The following CTNND2 variants were observed in gnomAD, a reference collection of about 807,000 sequenced individuals.
The protein encoded by CTNND2 is catenin delta 2.
Under a neutral mutation model 144.4 loss-of-function variants are expected in CTNND2, and 22 were observed. The observed-to-expected ratio is 0.15, with a 90% CI of 0.11 to 0.22. The LOEUF (loss-of-function observed/expected upper bound fraction) is 0.22. Among genes scored for constraint, CTNND2 ranks in the 10% least tolerant of loss-of-function variants. CTNND2 has a pLI of 1.00. For synonymous variants in CTNND2, 751 were observed against 695.6 expected (o/e 1.08, Z -1.25); for missense variants, 1,353 against 1,618.8 (o/e 0.84, Z 2.82).
intron 11 of CTNND2, among the ~76,000 whole-genome samples, chr5:11,192,754 A>T (rs1024755632): frequency 1.3e-5 from 2 of 152,194 alleles, no homozygotes; most frequent in Admixed American, 6.5e-5. Context: ...GCTGGATTGT[A>T]GCCAGGTGAG....
chr5:11,340,948 T>C (rs918260393), intron 9 of CTNND2, among the ~76,000 whole-genome samples: 11 of 152,240 alleles, frequency 7.2e-5, no homozygotes, highest in South Asian at 4.1e-4. Context: ...TTCATCATCA[T>C]TGTTATCATC....
chr5:11,196,131 T>G (rs1326290042), intron 11 of CTNND2, among the ~76,000 whole-genome samples: 1 of 152,236 alleles, frequency 6.6e-6, no homozygotes, highest in Non-Finnish European at 1.5e-5. Context: ...ATTCAATACA[T>G]AATTTAAAAC....
chr5:11,386,527 T>G (rs554197119), intron 6 of CTNND2, among the ~76,000 whole-genome samples: 5 of 152,294 alleles, frequency 3.3e-5, no homozygotes, highest in African/African-American at 1.2e-4. Flanking sequence ...AGGAGTTAAT[T>G]GAGCAACATC....
chr5:11,238,804 A>G lies in CTNND2; in HGVS notation c.1629-1981T>C, dbSNP rs76843933. ...CATACAGTATAATAATATACTTGTG[A>G]AGAAACCTACTCAAGTGATTGCTGA... On this transcript the variant is annotated intron_variant, in intron 9 of 21. Coordinates refer to ENST00000304623, the MANE Select transcript of CTNND2 (RefSeq NM_001332.4). Among the ~76,000 whole-genome samples, 77 of 152,326 alleles carry G rather than the reference A, an allele frequency of 5.1e-4. No individual in the cohort carries two copies. In the East Asian group the frequency reaches 0.01, roughly 21 times the overall value.
At chr5:11,621,486 T>A (rs1165446185) in intron 2 of CTNND2, among the ~76,000 whole-genome samples, 1 of 152,208 alleles carries the variant, frequency 6.6e-6, no homozygotes, top group East Asian at 1.9e-4. Flanking sequence ...AGATTTAACT[T>A]TGGAATTTGT....
chr5:11,385,363 G>T, intron 6 of CTNND2, 134 bp from the exon 7 acceptor site: 1 of 464,218 alleles, frequency 2.2e-6, no homozygotes, highest in Non-Finnish European at 2.8e-6. Flanking sequence ...GATCCCAGCT[G>T]CGCTCGGGGC....
intron 1 of CTNND2, among the ~76,000 whole-genome samples, chr5:11,743,399 C>T (rs1420227509): frequency 6.6e-6 from 1 of 152,200 alleles, no homozygotes; most frequent in Non-Finnish European, 1.5e-5. Flanking sequence ...TAGTTTAAGA[C>T]TTTCGCTTCC....
At chr5:11,135,252 T>C (rs1756018071) in intron 12 of CTNND2, among the ~76,000 whole-genome samples, 1 of 152,150 alleles carries the variant, frequency 6.6e-6, no homozygotes, top group Admixed American at 6.5e-5. Context: ...ACAAACTATA[T>C]ATAATGACTT....
At chr5:11,790,975 A>C (rs1380691291) in intron 1 of CTNND2, among the ~76,000 whole-genome samples, 1 of 152,046 alleles carries the variant, frequency 6.6e-6, no homozygotes, top group African/African-American at 2.4e-5. Context: ...CTGGGATGGG[A>C]TGGGCCCAAT....
chr5:11,599,805 C>A (rs1388928671), intron 2 of CTNND2, among the ~76,000 whole-genome samples: 2 of 152,040 alleles, frequency 1.3e-5, no homozygotes, highest in African/African-American at 2.4e-5. Flanking sequence ...TGAGAAATGG[C>A]ACACTGATTT....
intron 1 of CTNND2, among the ~76,000 whole-genome samples, chr5:11,860,107 G>C (rs1795434087): frequency 6.6e-6 from 1 of 152,080 alleles, no homozygotes; most frequent in South Asian, 2.1e-4. Context: ...AGGTTCAATT[G>C]GTTTATGCTA....
chr5:11,627,395 C>G (rs1781212384), intron 2 of CTNND2, among the ~76,000 whole-genome samples: 1 of 152,062 alleles, frequency 6.6e-6, no homozygotes, highest in African/African-American at 2.4e-5. Flanking sequence ...TGGCTGTGTA[C>G]CATGATGTTT....
chr5:11,594,967 G>T (rs981819251), intron 2 of CTNND2, among the ~76,000 whole-genome samples: 2 of 152,166 alleles, frequency 1.3e-5, no homozygotes, highest in Admixed American at 6.5e-5. Flanking sequence ...GTAAAACTGT[G>T]TAATTCTATT....
Position 11,302,411 on chromosome 5 carries a change from A to C in CTNND2, c.1628+43961T>G, listed in dbSNP as rs116590316. Among the ~76,000 whole-genome samples the C allele has an allele frequency of 6.5e-3, 988 of 152,244 alleles. 10 individuals are homozygous for C. The highest frequency in any genetic ancestry group is 0.023 in the African/African-American group (942 of 41,540). On this transcript the variant is annotated intron_variant, in intron 9 of 21. Coordinates refer to ENST00000304623, the MANE Select transcript of CTNND2 (RefSeq NM_001332.4). ...AGCTGAAGTCTCGGAGGGATGTGTCATCTTTCAACATAGGAAGTTATTCTC... is the reference window on the plus strand; with the variant it reads ...AGCTGAAGTCTCGGAGGGATGTGTCCTCTTTCAACATAGGAAGTTATTCTC...
At chr5:11,206,448 A>G (rs538674432) in intron 10 of CTNND2, among the ~76,000 whole-genome samples, 1 of 152,302 alleles carries the variant, frequency 6.6e-6, no homozygotes, top group South Asian at 2.1e-4. Flanking sequence ...TTTAAACACA[A>G]AAAATTTCAA....
At chr5:11,834,958 G>A (rs1400962558) in intron 1 of CTNND2, among the ~76,000 whole-genome samples, 2 of 151,978 alleles carry the variant, frequency 1.3e-5, no homozygotes. Context: ...GGCCAACATG[G>A]CAAAATCCCA....
intron 1 of CTNND2, among the ~76,000 whole-genome samples, chr5:11,803,996 C>T (rs1791850476): frequency 6.6e-6 from 1 of 152,054 alleles, no homozygotes; most frequent in Non-Finnish European, 1.5e-5. Context: ...AGCCACTGGC[C>T]TCTGTTCTGA....
At chr5:11,663,185 C>T (rs1783369561) in intron 2 of CTNND2, among the ~76,000 whole-genome samples, 1 of 152,110 alleles carries the variant, frequency 6.6e-6, no homozygotes, top group South Asian at 2.1e-4. Context: ...GTGGTCGTGG[C>T]ATCATAAAAA....
At chr5:11,381,366 A>T (rs1401794411) in intron 7 of CTNND2, among the ~76,000 whole-genome samples, 1 of 152,216 alleles carries the variant, frequency 6.6e-6, no homozygotes, top group Non-Finnish European at 1.5e-5. Flanking sequence ...TAGCAAAGGC[A>T]GCATCAAGTT....
Sources: allele counts gnomAD v4.1 joint callset (sites outside exome capture counted in the v4.1 genomes callset), GRCh38; gene constraint gnomAD v4.1.1; transcripts MANE v1.5; gene names NCBI Gene and HGNC (gene_info 2026-07-23, HGNC 2026-07-21).